The following PHC2 variants were observed in gnomAD, a reference collection of about 807,000 sequenced individuals.
The protein encoded by PHC2 is polyhomeotic-like protein 2.
In PHC2, 29 loss-of-function variants were observed where a neutral mutation model predicts 87.4. The ratio of observed to expected loss-of-function variants is 0.33; its 90% CI spans 0.25 to 0.45. PHC2 has a LOEUF of 0.45. PHC2 is among the 20% of genes least tolerant of loss of function. The pLI is 1.00. For synonymous variants in PHC2, 438 were observed against 461.7 expected (o/e 0.95, Z 0.66); for missense variants, 857 against 1,136.7 (o/e 0.75, Z 3.54).
chr1:33,398,488 T>C (rs1649384446), intron 1 of PHC2, among the ~76,000 whole-genome samples: 1 of 152,218 alleles, frequency 6.6e-6, no homozygotes, highest in Admixed American at 6.5e-5. Context: ...ATGGCTGCTT[T>C]GGGTGATAGT....
At position 33,394,129 on chromosome 1, in the gene PHC2, A is replaced by C. The variant is rs149118403; in HGVS notation, c.-54-18536T>G. ...GGCACTTTTATCCTCATAGCCTTGGAATACATAACAGAAACCATATTTTAC... is the reference window on the plus strand; with the variant it reads ...GGCACTTTTATCCTCATAGCCTTGGCATACATAACAGAAACCATATTTTAC... On this transcript the variant is annotated intron_variant, in intron 1 of 14. Coordinates refer to ENST00000683057, the MANE Select transcript of PHC2 (RefSeq NM_001385109.1). Among the ~76,000 whole-genome samples the C allele has an allele frequency of 2.9e-3, 440 of 152,272 alleles. 3 individuals are homozygous for C. Among genetic ancestry groups the C allele is most frequent in the African/African-American group, 0.01 (427 of 41,552 alleles).
At chr1:33,415,731 T>C (rs1438969382) in intron 1 of PHC2, among the ~76,000 whole-genome samples, 1 of 152,140 alleles carries the variant, frequency 6.6e-6, no homozygotes, top group African/African-American at 2.4e-5. Flanking sequence ...AACAAGTATA[T>C]TAAAATACTT....
chr1:33,373,799 C>G (rs1648003801), intron 2 of PHC2, among the ~76,000 whole-genome samples: 1 of 152,080 alleles, frequency 6.6e-6, no homozygotes. Context: ...GGGCCCTGTC[C>G]CGGCGAGCAA....
chr1:33,420,416 T>TA (rs923217623), intron 1 of PHC2, among the ~76,000 whole-genome samples: 1 of 151,988 alleles, frequency 6.6e-6, no homozygotes, highest in Non-Finnish European at 1.5e-5. Flanking sequence ...AAAGAGAAAC[T>TA]AGACTTGGTG....
At chr1:33,374,422 G>C (rs546323274) in intron 2 of PHC2, among the ~76,000 whole-genome samples, 2 of 152,188 alleles carry the variant, frequency 1.3e-5, no homozygotes, top group Non-Finnish European at 2.9e-5. Context: ...CAAGGGTAGG[G>C]GCAGGAAACA....
chr1:33,325,164 T>C (rs1646342563), intron 14 of PHC2, 145 bp from the exon 15 acceptor site: 1 of 804,546 alleles, frequency 1.2e-6, no homozygotes, highest in Non-Finnish European at 1.9e-6. Flanking sequence ...AAGGCGCTGC[T>C]GTTCTTATTT....
At chr1:33,414,879 T>C (rs1334215355) in intron 1 of PHC2, among the ~76,000 whole-genome samples, 3 of 152,324 alleles carry the variant, frequency 2.0e-5, no homozygotes, top group Middle Eastern at 3.4e-3. Context: ...CTCTAAAAAA[T>C]AAGTTTGAAA....
intron 1 of PHC2, among the ~76,000 whole-genome samples, chr1:33,394,418 A>T (rs1649212647): frequency 1.3e-5 from 2 of 152,236 alleles, no homozygotes; most frequent in Admixed American, 1.3e-4. Context: ...CTAAAGTTAA[A>T]TGTTAAACCT....
At chr1:33,326,032 A>G in intron 14 of PHC2, 1 of 364,176 alleles carries the variant, frequency 2.7e-6, no homozygotes, top group Non-Finnish European at 5.6e-6. Context: ...ATAAAAGAAC[A>G]TTTTGTAAAA....
intron 1 of PHC2, among the ~76,000 whole-genome samples, chr1:33,409,217 G>A (rs753280917): frequency 2.0e-5 from 3 of 152,036 alleles, no homozygotes; most frequent in Non-Finnish European, 4.4e-5. Context: ...ATAATCCCAG[G>A]GGTTCACAAA....
intron 1 of PHC2, among the ~76,000 whole-genome samples, chr1:33,392,041 A>G (rs1052137310): frequency 1.3e-5 from 2 of 152,220 alleles, no homozygotes; most frequent in African/African-American, 4.8e-5. Flanking sequence ...AACGGTCTTC[A>G]TGGATATTCA....
intron 1 of PHC2, among the ~76,000 whole-genome samples, chr1:33,407,389 A>C (rs1029500018): frequency 1.2e-4 from 18 of 152,212 alleles, no homozygotes; most frequent in African/African-American, 4.3e-4. Flanking sequence ...TAATGGCTCC[A>C]TTCTCTAGAA....
intron 1 of PHC2, among the ~76,000 whole-genome samples, chr1:33,424,174 T>C (rs1650575714): frequency 6.6e-6 from 1 of 152,028 alleles, no homozygotes; most frequent in African/African-American, 2.4e-5. Context: ...ATTAATACTA[T>C]TATAGAGATT....
intron 9 of PHC2, among the ~76,000 whole-genome samples, chr1:33,344,539 G>A (rs1436910226): frequency 6.6e-6 from 1 of 152,194 alleles, no homozygotes; most frequent in Non-Finnish European, 1.5e-5. Context: ...TTTGCCACCA[G>A]TCAACTGATA....
chr1:33,419,283 T>A (rs1650332432), intron 1 of PHC2, among the ~76,000 whole-genome samples: 1 of 152,218 alleles, frequency 6.6e-6, no homozygotes, highest in Non-Finnish European at 1.5e-5. Context: ...ACTACCCTCA[T>A]TGTTTAGTCC....
At chr1:33,328,216 C>T (rs1321134281) in intron 14 of PHC2, among the ~76,000 whole-genome samples, 4 of 152,148 alleles carry the variant, frequency 2.6e-5, no homozygotes, top group Admixed American at 1.3e-4. Context: ...CCGGGCCTCA[C>T]CACCACTTGT....
chr1:33,351,951 CAAAAA>C (rs10718909), intron 9 of PHC2, among the ~76,000 whole-genome samples: 4 of 87,448 alleles, frequency 4.6e-5, no homozygotes, highest in Non-Finnish European at 6.4e-5. Context: ...GAATGCATCT[CAAAAA>C]AAAAAAAAAA....
Position 33,334,206 on chromosome 1 carries a change from C to A in PHC2, c.1645G>T (p.Ala549Ser). Residue 549 changes from alanine (A) to serine (S), a missense_variant, in exon 10 of 15, where the codon GCC becomes TCC. Around this residue, in one of 3 missense-constraint regions of PHC2, gnomAD observed 832 missense variants for 1,081.8 expected, o/e 0.77. Coordinates refer to ENST00000683057, the MANE Select transcript of PHC2 (RefSeq NM_001385109.1). This position sits in a 1 kb window ranked among gnomAD's most constrained non-coding sequence, Gnocchi z 5.5. ...TCACCATTCTGGGGGGCAGTGCCGGCGATGCTGGAGGCAGAGTTTCCGTTC... is the reference window on the plus strand; with the variant it reads ...TCACCATTCTGGGGGGCAGTGCCGGAGATGCTGGAGGCAGAGTTTCCGTTC... Reference protein sequence around the residue: ...SGNGNSASSIAGTAPQNGENK... With the variant: ...SGNGNSASSISGTAPQNGENK... 6.2e-7 allele frequency: 1 copy of A among 1,612,798 alleles called. No individual in the cohort carries two copies. Among genetic ancestry groups the A allele is most frequent in the African/African-American group, 1.3e-5 (1 of 74,886 alleles).
chr1:33,356,249 T>TTATATATATATATATATATATG (rs1553185621), intron 7 of PHC2, among the ~76,000 whole-genome samples: 19 of 101,544 alleles, frequency 1.9e-4, no homozygotes, highest in East Asian at 3.1e-4. Context: ...GTGAAAATTC[T>TTATATATATATATATATATATG]TATATATATA....
Sources: allele counts gnomAD v4.1 joint callset (sites outside exome capture counted in the v4.1 genomes callset), GRCh38; gene constraint gnomAD v4.1.1; regional missense constraint gnomAD v4.1.1; non-coding constraint Gnocchi (gnomAD v3.1); transcripts MANE v1.5; gene names NCBI Gene and HGNC (gene_info 2026-07-23, HGNC 2026-07-21).